ST8SIA2: variants seen among roughly 807,000 people sequenced by gnomAD.
ST8SIA2 encodes alpha-2,8-sialyltransferase 8B.
A neutral mutation model predicts 37.6 loss-of-function variants in ST8SIA2; 22 were observed. The observed-to-expected ratio is 0.58, with a 90% CI of 0.42 to 0.83. The LOEUF is 0.83. Ranked by LOEUF, ST8SIA2 falls within the 40% of genes least tolerant of loss-of-function variation. The probability of loss-of-function intolerance (pLI) is 0.00; values close to 1 mark genes in which losing one functional copy is unlikely to be tolerated. For synonymous variants in ST8SIA2, 205 were observed against 201.2 expected (o/e 1.02, Z -0.16); for missense variants, 382 against 484.7 (o/e 0.79, Z 1.99).
chr15:92,409,905 G>A (rs116070706), intron 1 of ST8SIA2, among the ~76,000 whole-genome samples: 100 of 152,310 alleles, frequency 6.6e-4, no homozygotes, highest in African/African-American at 1.9e-3. Context: ...GAGTGCTGGC[G>A]ACTGAAAAGA....
rs185167225 is a variant in ST8SIA2 at position 92,466,291 on chromosome 15, A to G, written c.*1906A>G. 1 of 152,356 alleles carries G rather than the reference A, an allele frequency of 6.6e-6. No homozygotes were observed. The highest frequency in any genetic ancestry group is 2.4e-5 in the African/African-American group (1 of 41,580). 9.4% of individuals were successfully genotyped at this position (152,356 alleles called of 1,614,324 possible). Reference sequence around the variant, plus strand: ...GGAACTGAGTGGTTTCGGACTCCTCACAGGCGGTGGAAATAATTAATACCA... The same window carrying G: ...GGAACTGAGTGGTTTCGGACTCCTCGCAGGCGGTGGAAATAATTAATACCA... On this transcript the variant is annotated 3_prime_UTR_variant, in exon 6 of 6. Transcript: ENST00000268164.
intron 4 of ST8SIA2, among the ~76,000 whole-genome samples, chr15:92,441,173 C>G (rs1451464612): frequency 6.6e-6 from 1 of 152,240 alleles, no homozygotes; most frequent in African/African-American, 2.4e-5. Context: ...CACCCCCTCT[C>G]AGAAAACTCT....
chr15:92,461,790 C>A (rs1006098946), intron 5 of ST8SIA2, among the ~76,000 whole-genome samples: 148 of 152,284 alleles, frequency 9.7e-4, no homozygotes, highest in East Asian at 1.9e-4. Flanking sequence ...TGGGGGGCTA[C>A]TAGGTGGAGG....
chr15:92,414,864 A>C (rs529699977), intron 1 of ST8SIA2, among the ~76,000 whole-genome samples: 1 of 152,330 alleles, frequency 6.6e-6, no homozygotes, highest in East Asian at 1.9e-4. Context: ...CCATGCCCTA[A>C]GTCAACATGG....
In ST8SIA2 at chr15:92,463,227, T is replaced by C. The variant is rs141004543; in HGVS notation, c.843-873T>C. Among the ~76,000 whole-genome samples the C allele has an allele frequency of 6.6e-4, 101 of 152,364 alleles. 1 individual carries two copies. The highest frequency in any genetic ancestry group is 2.4e-3 in the African/African-American group (99 of 41,588). On this transcript the variant is annotated intron_variant, in intron 5 of 5. Coordinates refer to ENST00000268164, the MANE Select transcript of ST8SIA2 (RefSeq NM_006011.4). ...CTAAGGTGCACCCTGCACCCTTCTCTCTTCACTTCTCTTTGTTTCCTCTCG... is the reference window on the plus strand; with the variant it reads ...CTAAGGTGCACCCTGCACCCTTCTCCCTTCACTTCTCTTTGTTTCCTCTCG...
chr15:92,432,786 G>A (rs1204110841), intron 2 of ST8SIA2, among the ~76,000 whole-genome samples: 1 of 152,104 alleles, frequency 6.6e-6, no homozygotes, highest in Non-Finnish European at 1.5e-5. Context: ...GTGCATGAAG[G>A]GAATGTGTGA....
chr15:92,432,762 A>C (rs1231721049), intron 2 of ST8SIA2, among the ~76,000 whole-genome samples: 1 of 152,184 alleles, frequency 6.6e-6, no homozygotes, highest in Non-Finnish European at 1.5e-5. Context: ...AGAAATATTG[A>C]GGAATGGAGG....
intron 2 of ST8SIA2, among the ~76,000 whole-genome samples, chr15:92,432,973 T>G (rs1596240478): frequency 6.6e-6 from 1 of 151,846 alleles, no homozygotes. Flanking sequence ...TTTACTAAAA[T>G]ACAAAAATTA....
chr15:92,424,395 A>G (rs1331197500), intron 1 of ST8SIA2, among the ~76,000 whole-genome samples: 1 of 152,056 alleles, frequency 6.6e-6, no homozygotes, highest in African/African-American at 2.4e-5. Flanking sequence ...ATTATTAAAA[A>G]TGAAATAAAA....
At chr15:92,411,219 G>C (rs930976650) in intron 1 of ST8SIA2, among the ~76,000 whole-genome samples, 1 of 152,228 alleles carries the variant, frequency 6.6e-6, no homozygotes, top group African/African-American at 2.4e-5. Context: ...GATTCCCAAA[G>C]GGACCCACAA....
chr15:92,409,304 G>A (rs1042969118), intron 1 of ST8SIA2, among the ~76,000 whole-genome samples: 2 of 152,200 alleles, frequency 1.3e-5, no homozygotes, highest in African/African-American at 4.8e-5. Flanking sequence ...GGTCTGGCTG[G>A]CTTAATGGTA....
intron 1 of ST8SIA2, among the ~76,000 whole-genome samples, chr15:92,416,624 G>A (rs569803891): frequency 6.6e-6 from 1 of 152,284 alleles, no homozygotes; most frequent in African/African-American, 2.4e-5. Context: ...CACTGACAGA[G>A]CAGAGAGAAC....
At chr15:92,439,391 G>A (rs2049784857) in intron 4 of ST8SIA2, among the ~76,000 whole-genome samples, 1 of 152,168 alleles carries the variant, frequency 6.6e-6, no homozygotes, top group African/African-American at 2.4e-5. Flanking sequence ...GGTTGCCCAT[G>A]GCCCTGCCAC....
Position 92,460,317 on chromosome 15 carries a change from C to T in ST8SIA2, c.843-3783C>T, listed in dbSNP as rs544229097. On this transcript the variant is annotated intron_variant, in intron 5 of 5. Transcript: ENST00000268164. ...TCTAGGCCACACATGGTAGTGAGATCCAGGCAGCTTTTAAAGCTCCAGATG... is the reference window on the plus strand; with the variant it reads ...TCTAGGCCACACATGGTAGTGAGATTCAGGCAGCTTTTAAAGCTCCAGATG... Among the ~76,000 whole-genome samples the T allele has an allele frequency of 2.0e-5, 3 of 152,294 alleles. No homozygotes were observed. In the East Asian group the frequency reaches 5.8e-4, roughly 29 times the overall value.
At chr15:92,446,070 C>T (rs1360333020) in intron 5 of ST8SIA2, among the ~76,000 whole-genome samples, 1 of 152,178 alleles carries the variant, frequency 6.6e-6, no homozygotes, top group East Asian at 1.9e-4. Context: ...AAAACAACAA[C>T]ATCCATTTTA....
chr15:92,419,552 C>A (rs1411542881), intron 1 of ST8SIA2, among the ~76,000 whole-genome samples: 5 of 152,134 alleles, frequency 3.3e-5, no homozygotes, highest in Non-Finnish European at 7.3e-5. Context: ...AAGCCGAACG[C>A]ATAGAGATAA....
chr15:92,418,843 T>C (rs1240248892), intron 1 of ST8SIA2, among the ~76,000 whole-genome samples: 2 of 152,108 alleles, frequency 1.3e-5, no homozygotes, highest in African/African-American at 4.8e-5. Flanking sequence ...CAAGGAGGAA[T>C]TTTATGCCAT....
intron 5 of ST8SIA2, among the ~76,000 whole-genome samples, chr15:92,455,865 T>A (rs1228092100): frequency 6.6e-6 from 1 of 152,274 alleles, no homozygotes; most frequent in African/African-American, 2.4e-5. Flanking sequence ...TCGATTCATA[T>A]CCTCACCTAC....
intron 5 of ST8SIA2, among the ~76,000 whole-genome samples, chr15:92,457,412 C>T (rs1340703032): frequency 6.6e-6 from 1 of 152,192 alleles, no homozygotes; most frequent in African/African-American, 2.4e-5. Context: ...TCATAAAATA[C>T]GGTGCTTAAT....
Sources: allele counts gnomAD v4.1 joint callset (sites outside exome capture counted in the v4.1 genomes callset), GRCh38; gene constraint gnomAD v4.1.1; transcripts MANE v1.5; gene names NCBI Gene and HGNC (gene_info 2026-07-23, HGNC 2026-07-21).